The following ETFA variants were observed in gnomAD, a reference collection of about 807,000 sequenced individuals.
ETFA encodes the protein electron transfer flavoprotein subunit alpha.
ETFA carries 22 observed loss-of-function variants against 46.2 expected under a neutral mutation model. The ratio of observed to expected loss-of-function variants is 0.48; its 90% CI spans 0.34 to 0.68. The LOEUF (loss-of-function observed/expected upper bound fraction) is 0.68. ETFA is among the 30% of genes least tolerant of loss of function. ETFA has a pLI of 0.01. For missense variants in ETFA, 345 were observed against 401.1 expected, an observed-to-expected ratio of 0.86 and a Z score of 1.19; for synonymous variants, 131 against 139.9, an observed-to-expected ratio of 0.94 and a Z score of 0.45.
rs2039552568 is a variant in ETFA at position 76,272,817 on chromosome 15, T to TATATATA, written c.816+1588_816+1594dup. On this transcript the variant is annotated intron_variant, in intron 9 of 11. Coordinates refer to ENST00000557943, the MANE Select transcript of ETFA (RefSeq NM_000126.4). ...CCCTGTCTCTTAAAATATATACATA[T>TATATATA]ATATATATATATATGCGCATGTGTG... Among the ~76,000 whole-genome samples, 6 of 148,198 alleles carry TATATATA rather than the reference T, an allele frequency of 4.0e-5. No individual in the cohort carries two copies. In the South Asian group the frequency reaches 1.1e-3, roughly 26 times the overall value.
Position 76,287,927 on chromosome 15 carries a change from C to T in ETFA, c.370G>A (p.Ala124Thr). The part of the protein sequence containing the change: ...AFGKNLLPRV[A>T]AKLEVAPISD... Reference sequence around the variant, plus strand: ...ATCGGGGCAACCTCAAGTTTGGCTGCTACTCTGGGCAAAAGGTTCTAAAAG... The same window carrying T: ...ATCGGGGCAACCTCAAGTTTGGCTGTTACTCTGGGCAAAAGGTTCTAAAAG... The change falls in exon 5 of 12, where the codon GCA becomes ACA. Residue 124 changes from alanine to threonine, a missense_variant. By Grantham distance (58) the Ala-to-Thr change is moderately conservative (BLOSUM62 0). Coordinates refer to ENST00000557943, the MANE Select transcript of ETFA (RefSeq NM_000126.4). The T allele has an allele frequency of 6.2e-7, 1 of 1,613,940 alleles. No homozygotes were observed. The highest frequency in any genetic ancestry group is 1.1e-5 in the South Asian group (1 of 91,078).
chr15:76,223,294 T>C (rs2038975221), intron 11 of ETFA, among the ~76,000 whole-genome samples: 1 of 147,072 alleles, frequency 6.8e-6, no homozygotes, highest in African/African-American at 2.5e-5. Context: ...CTTGGCTCAC[T>C]GTAACCTCTG....
chr15:76,305,080 G>A (rs182449619), intron 1 of ETFA, among the ~76,000 whole-genome samples: 4 of 151,846 alleles, frequency 2.6e-5, no homozygotes, highest in Non-Finnish European at 5.9e-5. Flanking sequence ...AAAATCCTCC[G>A]CTCTATTACT....
chr15:76,251,006 T>C (rs905814954), intron 9 of ETFA, among the ~76,000 whole-genome samples: 15 of 151,674 alleles, frequency 9.9e-5, no homozygotes, highest in African/African-American at 3.6e-4. Flanking sequence ...TAAATTTATA[T>C]ATAAACTTTT....
intron 1 of ETFA, among the ~76,000 whole-genome samples, chr15:76,307,803 G>A (rs1386446299): frequency 6.6e-6 from 1 of 152,138 alleles, no homozygotes; most frequent in Non-Finnish European, 1.5e-5. Flanking sequence ...CCATTTTTAA[G>A]TGTTAAGTGT....
At position 76,216,318 on chromosome 15, in the gene ETFA, T is replaced by G. The variant is rs2038895201; in HGVS notation, c.*241A>C. 8.7e-6 allele frequency: 4 copies of G among 457,530 alleles called. No homozygotes were observed. Among genetic ancestry groups the G allele is most frequent in the Non-Finnish European group, 3.9e-6 (1 of 259,088 alleles). The allele number at this position is 457,530 out of a possible 1,614,324, so 28.3% of individuals were successfully genotyped here. Reference sequence around the variant, plus strand: ...ATAGTTTTAAAGCTGTGGAAAAGCTTTATTATAGATTTTAGTACAGAATTT... The same window carrying G: ...ATAGTTTTAAAGCTGTGGAAAAGCTGTATTATAGATTTTAGTACAGAATTT... On this transcript the variant is annotated 3_prime_UTR_variant, in exon 12 of 12. Transcript: ENST00000557943.
chr15:76,243,669 C>T (rs1048599261), intron 9 of ETFA, among the ~76,000 whole-genome samples: 2 of 151,856 alleles, frequency 1.3e-5, no homozygotes, highest in Non-Finnish European at 2.9e-5. Flanking sequence ...CGTGGTGGTA[C>T]ACACCTGCAA....
intron 4 of ETFA, among the ~76,000 whole-genome samples, chr15:76,291,039 G>GACT (rs2039756322): frequency 6.6e-6 from 1 of 152,132 alleles, no homozygotes; most frequent in South Asian, 2.1e-4. Context: ...AACATAGGGA[G>GACT]ACTACATCGA....
chr15:76,266,219 A>G (rs1048147039), intron 9 of ETFA, among the ~76,000 whole-genome samples: 3 of 152,180 alleles, frequency 2.0e-5, no homozygotes, highest in African/African-American at 7.2e-5. Context: ...ATAGTGATAG[A>G]TCTAAAGGAT....
chr15:76,306,555 C>T (rs752735221), intron 1 of ETFA, among the ~76,000 whole-genome samples: 2 of 151,966 alleles, frequency 1.3e-5, no homozygotes, highest in South Asian at 4.2e-4. Context: ...TGAGCCACTG[C>T]ACCCAGCCGG....
chr15:76,246,817 A>T (rs1292423367), intron 9 of ETFA, among the ~76,000 whole-genome samples: 3 of 151,908 alleles, frequency 2.0e-5, no homozygotes, highest in Non-Finnish European at 4.4e-5. Context: ...TGGGCTACGG[A>T]GCCAAGACTC....
At chr15:76,235,666 C>T (rs893557377) in intron 9 of ETFA, among the ~76,000 whole-genome samples, 2 of 152,110 alleles carry the variant, frequency 1.3e-5, no homozygotes, top group African/African-American at 4.8e-5. Flanking sequence ...CTAACAATTA[C>T]AGGTTACGGC....
At chr15:76,266,828 T>G (rs1312307283) in intron 9 of ETFA, among the ~76,000 whole-genome samples, 1 of 151,598 alleles carries the variant, frequency 6.6e-6, no homozygotes, top group Non-Finnish European at 1.5e-5. Context: ...GGCGTGAACC[T>G]GGGAGGCGGA....
chr15:76,235,975 T>C (rs2039118370), intron 9 of ETFA, among the ~76,000 whole-genome samples: 1 of 152,198 alleles, frequency 6.6e-6, no homozygotes, highest in South Asian at 2.1e-4. Flanking sequence ...AGAGGGATGA[T>C]TGGAATGAAA....
At chr15:76,311,314 G>A (rs1251469619) in intron 1 of ETFA, 36 bp downstream of exon 1, 7 of 1,549,878 alleles carry the variant, frequency 4.5e-6, no homozygotes, top group South Asian at 3.6e-5. Flanking sequence ...TTGACGGGGG[G>A]CCGTCCCTGG....
At chr15:76,228,017 T>C (rs1415467311) in intron 10 of ETFA, 2 of 454,936 alleles carry the variant, frequency 4.4e-6, no homozygotes, top group Admixed American at 4.7e-5. Flanking sequence ...ATTGCAGGTG[T>C]TGATTTGCAT....
At chr15:76,259,150 T>A in intron 9 of ETFA, 1 of 1,504,436 alleles carries the variant, frequency 6.6e-7, no homozygotes, top group South Asian at 1.1e-5. Context: ...ACTGTCCCCA[T>A]GCCACTGCCA....
At chr15:76,300,564 C>A (rs1190444868) in intron 1 of ETFA, among the ~76,000 whole-genome samples, 1 of 152,188 alleles carries the variant, frequency 6.6e-6, no homozygotes, top group African/African-American at 2.4e-5. Flanking sequence ...AGTCTCCCAA[C>A]CCAGCTTGTT....
At chr15:76,230,971 T>C (rs1034793641) in intron 10 of ETFA, 4 of 209,628 alleles carry the variant, frequency 1.9e-5, no homozygotes, top group Admixed American at 1.6e-4. Flanking sequence ...CCTCATCAAA[T>C]TGTTTAAGTC....
Sources: gnomAD v4.1 joint callset for allele counts (sites outside exome capture counted in the v4.1 genomes callset) on GRCh38, gnomAD v4.1.1 for gene constraint, MANE v1.5 for transcripts, NCBI Gene and HGNC (gene_info 2026-07-23, HGNC 2026-07-21) for gene names.